The following STK24 variants were observed in gnomAD, a reference collection of about 807,000 sequenced individuals.
STK24 encodes serine/threonine-protein kinase 24.
In STK24, 21 loss-of-function variants were observed where a neutral mutation model predicts 55.6. The ratio of observed to expected loss-of-function variants is 0.38; its 90% CI spans 0.27 to 0.54. STK24 has a LOEUF of 0.54. STK24 is among the 20% of genes least tolerant of loss of function. The pLI, the probability that STK24 is intolerant of heterozygous loss-of-function variation, is 0.79. For synonymous variants in STK24, 200 were observed against 215.2 expected, an observed-to-expected ratio of 0.93 and a Z score of 0.62; for missense variants, 383 against 538.4, an observed-to-expected ratio of 0.71 and a Z score of 2.86.
At chr13:98,545,959 T>C (rs1346193208) in intron 1 of STK24, among the ~76,000 whole-genome samples, 1 of 151,976 alleles carries the variant, frequency 6.6e-6, no homozygotes, top group Non-Finnish European at 1.5e-5. Flanking sequence ...AAAAAAAACA[T>C]GAAAGTTTAA....
intron 2 of STK24, among the ~76,000 whole-genome samples, chr13:98,489,669 C>T (rs1894944855): frequency 6.6e-6 from 1 of 152,208 alleles, no homozygotes; most frequent in Non-Finnish European, 1.5e-5. Context: ...GAGCTGCTCC[C>T]TGAAGGGCTG....
chr13:98,449,373 G>C lies in STK24; in HGVS notation c.*3800C>G, dbSNP rs574288068. 1 of 152,194 alleles carries C rather than the reference G, an allele frequency of 6.6e-6. No homozygotes were observed. The highest frequency in any genetic ancestry group is 2.1e-4 in the South Asian group (1 of 4,818). 9.4% of individuals were successfully genotyped at this position (152,194 alleles called of 1,614,324 possible). On this transcript the variant is annotated 3_prime_UTR_variant, in exon 11 of 11. Coordinates refer to ENST00000539966, the MANE Select transcript of STK24 (RefSeq NM_001032296.4). ...CCCCAGGCATGGGGTAGTGTCAGTCGGACTGCACAGGGAACACGGTTTCCA... is the reference window on the plus strand; with the variant it reads ...CCCCAGGCATGGGGTAGTGTCAGTCCGACTGCACAGGGAACACGGTTTCCA...
At chr13:98,502,805 T>G (rs1433600965) in intron 2 of STK24, among the ~76,000 whole-genome samples, 1 of 152,164 alleles carries the variant, frequency 6.6e-6, no homozygotes, top group African/African-American at 2.4e-5. Context: ...ACCCAGTCTT[T>G]CTGTTATAAC....
rs1444314074 is a variant in STK24 at position 98,450,926 on chromosome 13, TC to T, written c.*2246del. 14 of 152,046 alleles carry T rather than the reference TC, an allele frequency of 9.2e-5. No individual in the cohort carries two copies. The highest frequency in any genetic ancestry group is 3.4e-4 in the African/African-American group (14 of 41,366). The allele number at this position is 152,046 out of a possible 1,614,324, so 9.4% of individuals were successfully genotyped here. ...TGTACACAGAGGCGAGCTTTCTAAC[TC>T]CATCAAACCCCACCTCCCCCGACAG... On this transcript the variant is annotated 3_prime_UTR_variant, in exon 11 of 11. Transcript: ENST00000539966.
At position 98,576,024 on chromosome 13, in the gene STK24, C is replaced by T. The variant is rs1012540828; in HGVS notation, c.42+721G>A. The T allele has an allele frequency of 4.1e-6, 4 of 985,242 alleles. No homozygotes were observed. The African/African-American group carries it at 7.0e-5, about 17-fold the overall frequency. The allele number at this position is 985,242 out of a possible 1,614,324, so 61.0% of individuals were successfully genotyped here. A position where few individuals can be genotyped will look rare whatever the true frequency, so the allele number is the denominator to read the frequency against. On this transcript the variant is annotated intron_variant, in intron 1 of 10. Transcript: ENST00000539966. ...AGAGAGGTTTACTGGGCGAAGAATT[C>T]CTGTAAATGCAACCAAGTCTCAAAG...
At chr13:98,523,729 G>A (rs533128500) in intron 1 of STK24, among the ~76,000 whole-genome samples, 1 of 152,224 alleles carries the variant, frequency 6.6e-6, no homozygotes, top group Non-Finnish European at 1.5e-5. Flanking sequence ...GCCCAGAAAA[G>A]GCCAGCAAAA....
intron 2 of STK24, among the ~76,000 whole-genome samples, chr13:98,509,526 T>A (rs1318288335): frequency 6.6e-6 from 1 of 152,110 alleles, no homozygotes; most frequent in East Asian, 1.9e-4. Context: ...AGGTTAAACA[T>A]AAAATTTGTA....
chr13:98,485,068 G>A (rs1363876554), intron 2 of STK24, among the ~76,000 whole-genome samples: 1 of 152,184 alleles, frequency 6.6e-6, no homozygotes, highest in Non-Finnish European at 1.5e-5. Context: ...ATCAGGAAAA[G>A]CTCCACTCTG....
intron 1 of STK24, among the ~76,000 whole-genome samples, chr13:98,546,073 A>G (rs1698629351): frequency 6.6e-6 from 1 of 152,246 alleles, no homozygotes; most frequent in South Asian, 2.1e-4. Context: ...CTAAGAGTAC[A>G]GGATTAACTT....
intron 1 of STK24, among the ~76,000 whole-genome samples, chr13:98,572,026 G>A (rs1299844799): frequency 1.3e-5 from 2 of 152,152 alleles, no homozygotes; most frequent in African/African-American, 4.8e-5. Flanking sequence ...CAGGCCCACA[G>A]GCACCCCACT....
intron 1 of STK24, among the ~76,000 whole-genome samples, chr13:98,542,333 G>A (rs139938558): frequency 1.6e-4 from 24 of 151,622 alleles, no homozygotes; most frequent in Admixed American, 3.9e-4. Context: ...TCTCTCGTCT[G>A]TTAAGGTAAA....
In STK24 at chr13:98,447,338, TA is replaced by T. The variant is rs1318104513; in HGVS notation, c.*5834del. On this transcript the variant is annotated 3_prime_UTR_variant, in exon 11 of 11. Transcript: ENST00000539966. The stretch of plus-strand genomic sequence containing the variant: ...CCTCAGCAATATGCTGAGCACCTCC[TA>T]AACAACATCACCTGAAAAAGGAACC... The T allele has an allele frequency of 6.5e-6, 1 of 152,816 alleles. No individual in the cohort carries two copies. Among genetic ancestry groups the T allele is most frequent in the African/African-American group, 2.4e-5 (1 of 41,472 alleles). 9.5% of individuals were successfully genotyped at this position (152,816 alleles called of 1,614,324 possible).
chr13:98,460,662 G>C (rs1893665322), intron 8 of STK24, among the ~76,000 whole-genome samples: 1 of 152,086 alleles, frequency 6.6e-6, no homozygotes, highest in African/African-American at 2.4e-5. Flanking sequence ...CCACGCACCG[G>C]GGAAACCAGC....
In STK24 at chr13:98,519,420, C is replaced by T; in HGVS notation, c.96G>A (p.Lys32=). ...CTTTGAACACCTCTCCAAAGGAGCC[C>T]TTCCCAATTTTCTCTAGTTTTGTAA... is the stretch of plus-strand genomic sequence containing the variant. ...ELFTKLEKIG[K]GSFGEVFKGI... The change falls in exon 2 of 11, where the codon AAG becomes AAA. Residue 32 remains lysine, a synonymous_variant. Coordinates refer to ENST00000539966, the MANE Select transcript of STK24 (RefSeq NM_001032296.4). 1.2e-6 allele frequency: 2 copies of T among 1,614,212 alleles called. No homozygotes were observed. Among genetic ancestry groups the T allele is most frequent in the Non-Finnish European group, 1.7e-6 (2 of 1,180,046 alleles).
intron 2 of STK24, among the ~76,000 whole-genome samples, chr13:98,513,405 G>A (rs769930051): frequency 8.5e-5 from 13 of 152,234 alleles, no homozygotes; most frequent in Non-Finnish European, 1.5e-4. Flanking sequence ...CCTGTGTGGA[G>A]CCATCCTGTG....
intron 2 of STK24, among the ~76,000 whole-genome samples, chr13:98,503,024 G>GTTTTTTTTTTT (rs398038978): frequency 0.17 from 18,398 of 106,004 alleles, 3,296 homozygotes; most frequent in Non-Finnish European, 0.22. Context: ...CTTTCCATGT[G>GTTTTTTTTTTT]TTTTTTTTTT....
chr13:98,508,766 A>C (rs1895780884), intron 2 of STK24: 1 of 152,244 alleles, frequency 6.6e-6, no homozygotes, highest in Admixed American at 6.5e-5. Flanking sequence ...TTTGTAACAT[A>C]CCACAAACTA....
intron 1 of STK24, among the ~76,000 whole-genome samples, chr13:98,559,183 G>T (rs1434884851): frequency 2.0e-5 from 3 of 151,726 alleles, no homozygotes; most frequent in Admixed American, 6.6e-5. Context: ...CAAAAAAAAA[G>T]AAAAAAGTGT....
chr13:98,556,571 A>G (rs532054933), intron 1 of STK24, among the ~76,000 whole-genome samples: 12 of 152,336 alleles, frequency 7.9e-5, no homozygotes, highest in African/African-American at 1.9e-4. Context: ...ATGTGCCCCA[A>G]TGGTGAGTAA....
Sources: gnomAD v4.1 joint callset for allele counts (sites outside exome capture counted in the v4.1 genomes callset) on GRCh38, gnomAD v4.1.1 for gene constraint, MANE v1.5 for transcripts, NCBI Gene and HGNC (gene_info 2026-07-23, HGNC 2026-07-21) for gene names.